Variants in ACSF3 observed in about 807,000 individuals in gnomAD.
The protein encoded by ACSF3 is acyl-CoA synthetase family member 3, also known as malonate--CoA ligase ACSF3, mitochondrial.
A neutral mutation model predicts 53.2 loss-of-function variants in ACSF3; 78 were observed. The ratio of observed to expected loss-of-function variants is 1.47; its 90% CI spans 1.22 to 1.77. ACSF3 has a LOEUF of 1.77. Among genes scored for constraint, ACSF3 ranks in the 40% most tolerant of loss-of-function variants. The pLI is 0.00. For synonymous variants in ACSF3, 414 were observed against 333.1 expected (o/e 1.24, Z -2.65); for missense variants, 937 against 771.1 (o/e 1.22, Z -2.55).
chr16:89,146,069 G>GGC lies in ACSF3; in HGVS notation c.1613+20_1613+21insGC. ...GGCCAGGTAGGGCTGGGTGGGGCGGGCAGGGAGCACTCATGGGGTCTTGGG... is the reference window on the plus strand; with the variant it reads ...GGCCAGGTAGGGCTGGGTGGGGCGGGGCCAGGGAGCACTCATGGGGTCTTGGG... On this transcript the variant is annotated intron_variant, in intron 10 of 10. Transcript: ENST00000614302. 1.9e-5 allele frequency: 10 copies of GGC among 534,916 alleles called. No individual in the cohort carries two copies. The highest frequency in any genetic ancestry group is 5.1e-5 in the East Asian group (1 of 19,460). The allele number at this position is 534,916 out of a possible 1,614,324, so 33.1% of individuals were successfully genotyped here. A position where few individuals can be genotyped will look rare whatever the true frequency, so the allele number is the denominator to read the frequency against.
chr16:89,111,700 G>A (rs1011462113), intron 4 of ACSF3, among the ~76,000 whole-genome samples: 6 of 152,206 alleles, frequency 3.9e-5, no homozygotes, highest in African/African-American at 1.4e-4. Flanking sequence ...TCACCCGTTC[G>A]CTAGTCACTG....
chr16:89,117,628 C>T (rs1905389117), intron 6 of ACSF3, among the ~76,000 whole-genome samples: 1 of 151,688 alleles, frequency 6.6e-6, no homozygotes. Context: ...CCAGGGACCG[C>T]CGTCCACACC....
At chr16:89,128,249 A>G (rs12103007) in intron 7 of ACSF3, among the ~76,000 whole-genome samples, 1 of 149,144 alleles carries the variant, frequency 6.7e-6, no homozygotes, top group African/African-American at 2.5e-5. Flanking sequence ...ATATATATAT[A>G]TTTTTTTCTT....
chr16:89,151,953 C>G (rs1341168359), intron 10 of ACSF3: 2 of 152,212 alleles, frequency 1.3e-5, no homozygotes, highest in African/African-American at 4.8e-5. Flanking sequence ...TCAATAGATA[C>G]AGAAAAAGCA....
At chr16:89,104,355 CG>C (rs1555562683) in intron 4 of ACSF3, among the ~76,000 whole-genome samples, 2 of 152,324 alleles carry the variant, frequency 1.3e-5, no homozygotes, top group South Asian at 2.1e-4. Flanking sequence ...TTGGTCTGTG[CG>C]GGGTTGTTCT....
intron 4 of ACSF3, among the ~76,000 whole-genome samples, chr16:89,111,105 C>G (rs912725677): frequency 6.6e-6 from 1 of 152,178 alleles, no homozygotes; most frequent in African/African-American, 2.4e-5. Context: ...TTTGAAATTC[C>G]TTAATCTGCT....
rs1437052651 is a variant in ACSF3 at position 89,154,361 on chromosome 16, C to T, written c.*154C>T. 4 of 774,752 alleles carry T rather than the reference C, an allele frequency of 5.2e-6. No individual in the cohort carries two copies. The highest frequency in any genetic ancestry group is 2.7e-5 in the East Asian group (1 of 37,110). The allele number at this position is 774,752 out of a possible 1,614,324, so 48.0% of individuals were successfully genotyped here. A position where few individuals can be genotyped will look rare whatever the true frequency, so the allele number is the denominator to read the frequency against. On this transcript the variant is annotated 3_prime_UTR_variant, in exon 11 of 11. Transcript: ENST00000614302. The stretch of plus-strand genomic sequence containing the variant: ...CAAGAACTGTTTGGGATGAAATCAC[C>T]ATGTGGGGTCCCCAGCCTCGGGCCA...
intron 7 of ACSF3, among the ~76,000 whole-genome samples, chr16:89,127,855 T>C (rs1352147783): frequency 1.3e-5 from 2 of 152,196 alleles, no homozygotes; most frequent in Non-Finnish European, 2.9e-5. Context: ...AAAAGGTTGA[T>C]TAAAAGGTTA....
intron 7 of ACSF3, among the ~76,000 whole-genome samples, chr16:89,129,476 C>T (rs1400009646): frequency 6.6e-6 from 1 of 152,008 alleles, no homozygotes; most frequent in African/African-American, 2.4e-5. Flanking sequence ...ATTGTTCTAT[C>T]CCTTTACTTC....
intron 8 of ACSF3, among the ~76,000 whole-genome samples, chr16:89,136,017 C>T (rs1910386290): frequency 6.6e-6 from 1 of 152,252 alleles, no homozygotes. Context: ...TCAGGTGATC[C>T]GCCCGCCTCG....
At chr16:89,117,013 TGCCACCG>T (rs1401038695) in intron 6 of ACSF3, among the ~76,000 whole-genome samples, 2 of 152,156 alleles carry the variant, frequency 1.3e-5, no homozygotes. Flanking sequence ...TTTTGTCCAG[TGCCACCG>T]GCCACAGTCA....
chr16:89,109,998 T>TC (rs1976497874), intron 4 of ACSF3, among the ~76,000 whole-genome samples: 1 of 152,236 alleles, frequency 6.6e-6, no homozygotes, highest in African/African-American at 2.4e-5. Context: ...TTGTAAGAGT[T>TC]CTATGTGTAT....
rs367932532 is a variant in ACSF3 at position 89,101,363 on chromosome 16, C to T, written c.666+16C>T. 1.8e-5 allele frequency: 28 copies of T among 1,566,400 alleles called. No homozygotes were observed. The highest frequency in any genetic ancestry group is 1.2e-4 in the African/African-American group (9 of 73,724). On this transcript the variant is annotated intron_variant, in intron 3 of 10. Coordinates refer to ENST00000614302, the MANE Select transcript of ACSF3 (RefSeq NM_001243279.3). ...CAGGGCTGTGGTGAGTGCCGCCTGGCGCCGTGATGGTTTCGGTGACCGCAC... is the reference window on the plus strand; with the variant it reads ...CAGGGCTGTGGTGAGTGCCGCCTGGTGCCGTGATGGTTTCGGTGACCGCAC...
intron 7 of ACSF3, among the ~76,000 whole-genome samples, chr16:89,131,986 A>G (rs906965102): frequency 6.7e-6 from 1 of 149,756 alleles, no homozygotes; most frequent in Non-Finnish European, 1.5e-5. Context: ...CCCCGTCATC[A>G]TGTGGGGCAG....
Position 89,120,848 on chromosome 16 carries a change from G to C in ACSF3, c.1174G>C (p.Glu392Gln). 1 of 1,614,142 alleles carries C rather than the reference G, an allele frequency of 6.2e-7. No homozygotes were observed. Among genetic ancestry groups the C allele is most frequent in the East Asian group, 2.2e-5 (1 of 44,882 alleles). Residue 392 changes from glutamate to glutamine, a missense_variant, in exon 7 of 11, where the codon GAA becomes CAA. Coordinates refer to ENST00000614302, the MANE Select transcript of ACSF3 (RefSeq NM_001243279.3). ...LPGVQVRIVS[E>Q]NPQREACSYT... ...TGGAGTACAGGTGCGCATTGTCTCA[G>C]AAAACCCACAGAGGGAAGCCTGCTC...
intron 1 of ACSF3, among the ~76,000 whole-genome samples, chr16:89,095,628 T>C (rs914177774): frequency 1.3e-5 from 2 of 151,954 alleles, no homozygotes; most frequent in East Asian, 3.9e-4. Flanking sequence ...GGTGTGGTGG[T>C]GAACAGGTCA....
intron 7 of ACSF3, among the ~76,000 whole-genome samples, chr16:89,130,694 G>A (rs1032812310): frequency 5.3e-5 from 8 of 152,224 alleles, no homozygotes; most frequent in Non-Finnish European, 1.0e-4. Context: ...ATTATGATGT[G>A]TCTGGGCTTG....
In ACSF3 at chr16:89,145,844, C is replaced by G. The variant is rs1429471597; in HGVS notation, c.1502-94C>G. The G allele has an allele frequency of 8.2e-6, 9 of 1,097,972 alleles. No individual in the cohort carries two copies. The East Asian group carries it at 2.1e-4, about 26-fold the overall frequency. 68.0% of individuals were successfully genotyped at this position (1,097,972 alleles called of 1,614,324 possible). A position where few individuals can be genotyped will look rare whatever the true frequency, so the allele number is the denominator to read the frequency against. On this transcript the variant is annotated intron_variant, in intron 9 of 10. Coordinates refer to ENST00000614302, the MANE Select transcript of ACSF3 (RefSeq NM_001243279.3). ...CCAAGGACGGGCTCCAGGGCTGCGG[C>G]CAGACTGCGCTCTTCCTGTGTGTCC...
rs73254056 is a variant in ACSF3, at chr16:89,125,731, A to G, written c.1239+4818A>G. On this transcript the variant is annotated intron_variant, in intron 7 of 10. Transcript: ENST00000614302. ...GAGAGAGAGAGAGATGTTGATTGGA[A>G]TTTAGCCATTCTGATCGGGGAGATC... 8.3e-3 allele frequency among the ~76,000 whole-genome samples: 1,201 copies of G among 145,312 alleles called. 21 individuals carry two copies. Among genetic ancestry groups the G allele is most frequent in the African/African-American group, 0.029 (1,147 of 39,628 alleles).
Sources: allele counts gnomAD v4.1 joint callset (sites outside exome capture counted in the v4.1 genomes callset), GRCh38; gene constraint gnomAD v4.1.1; transcripts MANE v1.5; gene names NCBI Gene and HGNC (gene_info 2026-07-23, HGNC 2026-07-21).